MYOF: variants seen among roughly 807,000 people sequenced by gnomAD.
MYOF encodes the protein fer-1-like 3, myoferlin.
MYOF carries 244 observed loss-of-function variants against 284.2 expected under a neutral mutation model. The ratio of observed to expected loss-of-function variants is 0.86; its 90% CI spans 0.77 to 0.95. The LOEUF (loss-of-function observed/expected upper bound fraction) is 0.95. Ranked by LOEUF, MYOF falls within the 40% of genes least tolerant of loss-of-function variation. The probability of loss-of-function intolerance (pLI) is 0.00; values close to 1 mark genes in which losing one functional copy is unlikely to be tolerated. For synonymous variants in MYOF, 904 were observed against 919.7 expected, an observed-to-expected ratio of 0.98 and a Z score of 0.31; for missense variants, 2,496 against 2,560.6, an observed-to-expected ratio of 0.97 and a Z score of 0.54.
At chr10:93,442,697 A>G (rs1043974774) in intron 3 of MYOF, among the ~76,000 whole-genome samples, 8 of 152,246 alleles carry the variant, frequency 5.3e-5, no homozygotes, top group Admixed American at 2.6e-4. Flanking sequence ...TTTGGAGGGC[A>G]GAAAGAATAC....
intron 1 of MYOF, among the ~76,000 whole-genome samples, chr10:93,472,576 T>C (rs976934025): frequency 6.6e-6 from 1 of 151,816 alleles, no homozygotes; most frequent in African/African-American, 2.4e-5. Context: ...GAGGAGGAGG[T>C]TGCAGTGAGC....
At chr10:93,347,432 G>A (rs1173691451) in intron 37 of MYOF, among the ~76,000 whole-genome samples, 185 bp downstream of exon 37, 1 of 150,292 alleles carries the variant, frequency 6.7e-6, no homozygotes, top group African/African-American at 2.4e-5. Context: ...GGCGCCTGTA[G>A]TCCCAGCTAC....
At chr10:93,345,046 G>A (rs79065820) in intron 37 of MYOF, among the ~76,000 whole-genome samples, 3,211 of 152,206 alleles carry the variant, frequency 0.021, 120 homozygotes, top group African/African-American at 0.073. Context: ...CATTTATTGA[G>A]GAAGCACCAA....
chr10:93,343,877 G>T lies in MYOF; in HGVS notation c.4305C>A (p.Thr1435=), dbSNP rs759885778. 2.2e-5 allele frequency: 36 copies of T among 1,614,048 alleles called. No homozygotes were observed. Among genetic ancestry groups the T allele is most frequent in the Non-Finnish European group, 2.9e-5 (34 of 1,180,016 alleles). ...CTACCTTAGAAGCCAGTAATGGTTT[G>T]GTGTCTTCCATTTCGATAACGATGT... ...CRDIVIEMED[T]KPLLASKLTE... is the part of the protein sequence containing the mutation. The change falls in exon 38 of 54, where the codon ACC becomes ACA. Residue 1435 remains threonine (T), a synonymous_variant. Transcript: ENST00000359263.
intron 1 of MYOF, among the ~76,000 whole-genome samples, chr10:93,459,045 C>G (rs1201226736): frequency 6.6e-6 from 1 of 152,242 alleles, no homozygotes; most frequent in African/African-American, 2.4e-5. Context: ...CCAATGGCTT[C>G]CCTTCCTAAG....
In MYOF at chr10:93,306,604, G is replaced by C. The variant is rs528471698; in HGVS notation, c.*359C>G. The C allele has an allele frequency of 2.3e-4, 55 of 242,398 alleles. No homozygotes were observed. Among genetic ancestry groups the C allele is most frequent in the African/African-American group, 1.2e-3 (51 of 43,538 alleles). 15.0% of individuals were successfully genotyped at this position (242,398 alleles called of 1,614,324 possible). ...TACAAATATGAAGTATATCACCTCA[G>C]GATGCAGAGATTTTTGAATTCTATT... On this transcript the variant is annotated 3_prime_UTR_variant, in exon 54 of 54. Transcript: ENST00000359263.
chr10:93,387,057 G>A (rs61866240), intron 19 of MYOF, among the ~76,000 whole-genome samples: 11,580 of 152,264 alleles, frequency 0.076, 463 homozygotes, highest in South Asian at 0.12. Context: ...GCCACATTTC[G>A]CAACCACGTT....
Position 93,379,906 on chromosome 10 carries a change from C to T in MYOF, c.1958G>A (p.Arg653His), listed in dbSNP as rs377141585. ...TAGGAGAGTGTTCACCGCATCCAGG[C>T]GATGACTAATATCCTCCCAGTATGA... is the stretch of plus-strand genomic sequence containing the variant. ...LTSYWEDISH[R>H]LDAVNTLLAM... The change falls in exon 21 of 54, where the codon CGC becomes CAC. Residue 653 changes from arginine (R) to histidine (H), a missense_variant. Arg to His is a conservative substitution (Grantham distance 29, BLOSUM62 0). This residue lies in a region of MYOF where 2,436 missense variants were observed against 2,480.7 expected (regional missense o/e 0.98). Coordinates refer to ENST00000359263, the MANE Select transcript of MYOF (RefSeq NM_013451.4). 4.3e-6 allele frequency: 7 copies of T among 1,614,054 alleles called. No homozygotes were observed. Among genetic ancestry groups the T allele is most frequent in the Non-Finnish European group, 5.9e-6 (7 of 1,179,972 alleles).
intron 29 of MYOF, among the ~76,000 whole-genome samples, chr10:93,358,140 G>T (rs1341302298): frequency 6.6e-6 from 1 of 151,958 alleles, no homozygotes; most frequent in African/African-American, 2.4e-5. Flanking sequence ...GTGGGCAAAG[G>T]ACATGAACAG....
At chr10:93,329,551 G>C in intron 44 of MYOF, 113 bp downstream of exon 44, 1 of 1,074,866 alleles carries the variant, frequency 9.3e-7, no homozygotes, top group African/African-American at 1.9e-5. Context: ...CCATACCTGA[G>C]TGATAGGAGC....
chr10:93,333,089 CCT>C lies in MYOF; in HGVS notation c.4811+130_4811+131del, dbSNP rs149778075. On this transcript the variant is annotated intron_variant, in intron 43 of 53. Coordinates refer to ENST00000359263, the MANE Select transcript of MYOF (RefSeq NM_013451.4). ...GGTTTATCTATTTATTACCTGCTCC[CCT>C]GTCTAGAATGTTTATCTAGTTCACA... The C allele has an allele frequency of 1.4e-3, 1,073 of 743,546 alleles. 13 individuals are homozygous for C. In the African/African-American group the frequency reaches 0.018, roughly 12 times the overall value. The allele number at this position is 743,546 out of a possible 1,614,324, so 46.1% of individuals were successfully genotyped here.
chr10:93,423,502 G>C (rs1168429366), intron 5 of MYOF, among the ~76,000 whole-genome samples: 2 of 112,860 alleles, frequency 1.8e-5, no homozygotes, highest in African/African-American at 7.0e-5. Flanking sequence ...CTCCAGCCTA[G>C]ATGACAGAGC....
chr10:93,319,978 G>GTTTTCTGTTTGTTT lies in MYOF; in HGVS notation c.5478_5491dup (p.Thr1831LysfsTer58). On this transcript the variant is annotated frameshift_variant, in exon 49 of 54. Transcript: ENST00000359263. LOFTEE classifies it high-confidence loss of function. ...ATCCAAAGATCTGTAATGGACATCT[G>GTTTTCTGTTTGTTT]TTTTCTGTTTGTTTTCTTCATTGCC... is the stretch of plus-strand genomic sequence containing the variant. 1 of 1,614,138 alleles carries GTTTTCTGTTTGTTT rather than the reference G, an allele frequency of 6.2e-7. No individual in the cohort carries two copies. Among genetic ancestry groups the GTTTTCTGTTTGTTT allele is most frequent in the Non-Finnish European group, 8.5e-7 (1 of 1,179,992 alleles).
chr10:93,340,166 T>C lies in MYOF; in HGVS notation c.4327-2A>G. 1 of 1,614,100 alleles carries C rather than the reference T, an allele frequency of 6.2e-7. No individual in the cohort carries two copies. The highest frequency in any genetic ancestry group is 1.6e-4 in the Middle Eastern group (1 of 6,062). ...TACCATAGTTACCTTTTCTGTCAGCTGCTCGTGCACATGTCCCGTGAGGAA... is the reference window on the plus strand; with the variant it reads ...TACCATAGTTACCTTTTCTGTCAGCCGCTCGTGCACATGTCCCGTGAGGAA... On this transcript the variant is annotated splice_acceptor_variant, in intron 38 of 53. Coordinates refer to ENST00000359263, the MANE Select transcript of MYOF (RefSeq NM_013451.4). LOFTEE classifies it high-confidence loss of function.
chr10:93,373,073 T>C lies in MYOF; in HGVS notation c.2314A>G (p.Met772Val). The C allele has an allele frequency of 3.7e-6, 6 of 1,614,186 alleles. No homozygotes were observed. Among genetic ancestry groups the C allele is most frequent in the Non-Finnish European group, 4.2e-6 (5 of 1,180,032 alleles). The stretch of plus-strand genomic sequence containing the variant: ...ATCATCCAGATGATGATGTCAGGCA[T>C]GCTGTTCTGTGGCTGGTCATGAGGA... The part of the protein sequence containing the change: ...MQLTEEPQNS[M>V]PDIIIWMIRG... The change falls in exon 24 of 54, where the codon ATG becomes GTG. Residue 772 changes from methionine to valine, a missense_variant. Around this residue, in one of 3 missense-constraint regions of MYOF, gnomAD observed 2,436 missense variants for 2,480.7 expected, o/e 0.98. Transcript: ENST00000359263.
intron 53 of MYOF, among the ~76,000 whole-genome samples, chr10:93,309,410 A>AC (rs1842283604): frequency 6.6e-6 from 1 of 151,948 alleles, no homozygotes. Context: ...TCCCACTTGG[A>AC]CTCCCGTTTA....
chr10:93,347,558 C>CAAAAAA (rs554741468), intron 37 of MYOF, 59 bp downstream of exon 37: 46 of 400,962 alleles, frequency 1.1e-4, no homozygotes, highest in South Asian at 3.0e-4. Context: ...GACTCCGTCT[C>CAAAAAA]AAAAAAAAAA....
chr10:93,341,622 T>G (rs1843919729), intron 38 of MYOF, among the ~76,000 whole-genome samples: 1 of 152,182 alleles, frequency 6.6e-6, no homozygotes, highest in African/African-American at 2.4e-5. Context: ...AACTTTAGAA[T>G]TAGTATGGGA....
At chr10:93,410,524 A>G (rs1267026481) in intron 5 of MYOF, among the ~76,000 whole-genome samples, 1 of 152,092 alleles carries the variant, frequency 6.6e-6, no homozygotes, top group African/African-American at 2.4e-5. Flanking sequence ...TTCCGTCTCT[A>G]TTGCAGCTTT....
Sources: allele counts gnomAD v4.1 joint callset (sites outside exome capture counted in the v4.1 genomes callset), GRCh38; gene constraint gnomAD v4.1.1; regional missense constraint gnomAD v4.1.1; transcripts MANE v1.5; gene names NCBI Gene and HGNC (gene_info 2026-07-23, HGNC 2026-07-21).